VWDE: variants seen among roughly 807,000 people sequenced by gnomAD.
VWDE encodes the protein von Willebrand factor D and EGF domains.
Under a neutral mutation model 178.4 loss-of-function variants are expected in VWDE, and 207 were observed. That is an observed-to-expected ratio of 1.16 (90% CI 1.04 to 1.30). The LOEUF is 1.30. Among genes scored for constraint, VWDE ranks in the 50% most tolerant of loss-of-function variants. The pLI is 0.00. For synonymous variants in VWDE, 738 were observed against 651.4 expected, an observed-to-expected ratio of 1.13 and a Z score of -2.02; for missense variants, 2,287 against 1,901.3, an observed-to-expected ratio of 1.20 and a Z score of -3.77.
intron 6 of VWDE, among the ~76,000 whole-genome samples, chr7:12,379,141 T>C (rs1175495672): frequency 6.6e-6 from 1 of 152,218 alleles, no homozygotes; most frequent in Non-Finnish European, 1.5e-5. Context: ...CTACTTGGCC[T>C]GGTATCTGTC....
chr7:12,339,368 T>C (rs1781205256), intron 24 of VWDE, among the ~76,000 whole-genome samples: 1 of 152,148 alleles, frequency 6.6e-6, no homozygotes, highest in Non-Finnish European at 1.5e-5. Flanking sequence ...CAAAACTACA[T>C]ATATAACTCT....
At chr7:12,332,447 T>C (rs1780778808) in intron 28 of VWDE, among the ~76,000 whole-genome samples, 1 of 152,054 alleles carries the variant, frequency 6.6e-6, no homozygotes, top group Non-Finnish European at 1.5e-5. Context: ...AATAAATACA[T>C]AAAATAGAAT....
In VWDE at chr7:12,389,332, G is replaced by C; in HGVS notation, c.270C>G (p.Pro90=). Reference sequence around the variant, plus strand: ...CTGAATCTCTCAGAGACAGCCAGATGGGGGCCTGAGTTCCACAATGGTTCA... The same window carrying C: ...CTGAATCTCTCAGAGACAGCCAGATCGGGGCCTGAGTTCCACAATGGTTCA... ...VEMNHCGTQA[P]IWLSLRDSET... is the part of the protein sequence containing the mutation. The change falls in exon 3 of 29, where the codon CCC becomes CCG. Residue 90 remains proline (P), a synonymous_variant. Coordinates refer to ENST00000275358, the MANE Select transcript of VWDE (RefSeq NM_001135924.3). 6.5e-7 allele frequency: 1 copy of C among 1,548,872 alleles called. No homozygotes were observed. The highest frequency in any genetic ancestry group is 8.7e-7 in the Non-Finnish European group (1 of 1,144,664).
chr7:12,389,890 C>T (rs1239131033), intron 2 of VWDE, among the ~76,000 whole-genome samples: 2 of 152,092 alleles, frequency 1.3e-5, no homozygotes, highest in Non-Finnish European at 2.9e-5. Context: ...TGGTGGGGTG[C>T]GGTGGCGCAT....
Position 12,375,186 on chromosome 7 carries a change from G to T in VWDE, c.1066C>A (p.His356Asn). ...GAAGATGTCTGGAGAAGGTCCACAT[G>T]ACAGGAAGACAGTGCCAAATTTAAG... ...LGLNLALSSC[H>N]VDLLQTSSCA... Residue 356 changes from histidine (H) to asparagine (N), a missense_variant, in exon 8 of 29, where the codon CAT (histidine) becomes AAT (asparagine). By Grantham distance (68) the His-to-Asn change is moderately conservative. Transcript: ENST00000275358. The T allele has an allele frequency of 1.3e-6, 2 of 1,551,088 alleles. No homozygotes were observed. The highest frequency in any genetic ancestry group is 1.7e-6 in the Non-Finnish European group (2 of 1,146,518).
In VWDE at chr7:12,377,018, C is replaced by T. The variant is rs149359791; in HGVS notation, c.1024+758G>A. ...TTACTAAAGACAATGTAATGTTCTACGGTGAAAATGTATGTGGTATGCCAA... is the reference window on the plus strand; with the variant it reads ...TTACTAAAGACAATGTAATGTTCTATGGTGAAAATGTATGTGGTATGCCAA... On this transcript the variant is annotated intron_variant, in intron 7 of 28. Coordinates refer to ENST00000275358, the MANE Select transcript of VWDE (RefSeq NM_001135924.3). Among the ~76,000 whole-genome samples the T allele has an allele frequency of 8.5e-5, 13 of 152,048 alleles. No individual in the cohort carries two copies. In the East Asian group the frequency reaches 1.5e-3, roughly 18 times the overall value.
chr7:12,336,034 T>G (rs1781003660), intron 27 of VWDE, 107 bp downstream of exon 27: 6 of 841,616 alleles, frequency 7.1e-6, no homozygotes, highest in Non-Finnish European at 1.0e-5. Context: ...AGGATCAGCA[T>G]GCTGGAGTTT....
intron 4 of VWDE, among the ~76,000 whole-genome samples, chr7:12,381,384 T>C (rs981907026): frequency 5.9e-5 from 9 of 152,146 alleles, no homozygotes; most frequent in Non-Finnish European, 1.2e-4. Flanking sequence ...TTTAGTTTTG[T>C]TCTGTTTTAG....
rs532060346 is a variant in VWDE at position 12,332,196 on chromosome 7, A to C, written c.4759-999T>G. ...AATATCGAAAGCAAGTAAAGAAAAA[A>C]AAGACACCAGTGATCAACAGAATAA... On this transcript the variant is annotated intron_variant, in intron 28 of 28. Transcript: ENST00000275358. Among the ~76,000 whole-genome samples the C allele has an allele frequency of 8.4e-5, 7 of 82,904 alleles. No homozygotes were observed. In the South Asian group the frequency reaches 2.2e-3, roughly 26 times the overall value. 54.4% of individuals were successfully genotyped at this position (82,904 alleles called of 152,430 possible).
chr7:12,383,171 A>T (rs1315801298), intron 4 of VWDE, among the ~76,000 whole-genome samples: 2 of 152,078 alleles, frequency 1.3e-5, no homozygotes, highest in Non-Finnish European at 2.9e-5. Flanking sequence ...ACATTATTAG[A>T]CAAATTCTGT....
chr7:12,345,608 T>G (rs548668852), intron 19 of VWDE, among the ~76,000 whole-genome samples: 9 of 152,164 alleles, frequency 5.9e-5, no homozygotes, highest in Non-Finnish European at 1.0e-4. Flanking sequence ...TGGGAAGACC[T>G]GCTAATTTGA....
chr7:12,332,015 G>A (rs979712513), intron 28 of VWDE, among the ~76,000 whole-genome samples: 2 of 152,068 alleles, frequency 1.3e-5, no homozygotes, highest in Admixed American at 6.6e-5. Flanking sequence ...GAGCCAGGAG[G>A]TAGTTAGCCA....
intron 13 of VWDE, among the ~76,000 whole-genome samples, chr7:12,363,264 A>G (rs1351379968): frequency 6.6e-6 from 1 of 152,098 alleles, no homozygotes; most frequent in Non-Finnish European, 1.5e-5. Context: ...CACTGGGAGC[A>G]GAAGTGGAAA....
intron 9 of VWDE, among the ~76,000 whole-genome samples, chr7:12,374,152 A>G (rs1783380386): frequency 6.6e-6 from 1 of 152,144 alleles, no homozygotes; most frequent in Non-Finnish European, 1.5e-5. Flanking sequence ...CTTTCTATAC[A>G]GGTATTGATA....
At chr7:12,344,675 AAACAGTAACAC>A (rs1781507619) in intron 19 of VWDE, among the ~76,000 whole-genome samples, 1 of 152,186 alleles carries the variant, frequency 6.6e-6, no homozygotes, top group Non-Finnish European at 1.5e-5. Flanking sequence ...AAACAAAGCA[AAACAGTAACAC>A]AACAGTAACA....
At chr7:12,338,828 T>C (rs112008941) in intron 24 of VWDE, among the ~76,000 whole-genome samples, 9 of 152,116 alleles carry the variant, frequency 5.9e-5, no homozygotes, top group African/African-American at 2.2e-4. Context: ...CCTTGCTTAC[T>C]AGTTTAGTAG....
intron 1 of VWDE, among the ~76,000 whole-genome samples, chr7:12,402,575 T>G (rs962494765): frequency 6.6e-6 from 1 of 152,166 alleles, no homozygotes; most frequent in Non-Finnish European, 1.5e-5. Context: ...TTATAAACAT[T>G]GGTCATTTTT....
intron 19 of VWDE, among the ~76,000 whole-genome samples, chr7:12,347,519 AATGT>A (rs1337363392): frequency 6.6e-6 from 1 of 152,170 alleles, no homozygotes; most frequent in Non-Finnish European, 1.5e-5. Flanking sequence ...AATCAAAAAC[AATGT>A]ATTATTGGCA....
chr7:12,395,109 A>C (rs1784563433), intron 1 of VWDE, among the ~76,000 whole-genome samples: 2 of 152,264 alleles, frequency 1.3e-5, no homozygotes, highest in South Asian at 4.1e-4. Flanking sequence ...ATTGGAAGTC[A>C]ACACAAAAGG....
Sources: gnomAD v4.1 joint callset for allele counts (sites outside exome capture counted in the v4.1 genomes callset) on GRCh38, gnomAD v4.1.1 for gene constraint, MANE v1.5 for transcripts, NCBI Gene and HGNC (gene_info 2026-07-23, HGNC 2026-07-21) for gene names.